The following MYCBP2 variants were observed in gnomAD, a reference collection of about 807,000 sequenced individuals.
MYCBP2 encodes E3 ubiquitin-protein ligase MYCBP2.
In MYCBP2, 120 loss-of-function variants were observed where a neutral mutation model predicts 525.3. The observed-to-expected ratio is 0.23, with a 90% CI of 0.20 to 0.27. MYCBP2 has a LOEUF of 0.27. Ranked by LOEUF, MYCBP2 falls within the 10% of genes least tolerant of loss-of-function variation. The pLI is 1.00. For synonymous variants in MYCBP2, 1,894 were observed against 1,955.8 expected (o/e 0.97, Z 0.83); for missense variants, 4,149 against 5,657.1 (o/e 0.73, Z 8.55).
chr13:77,221,121 T>C (rs554490366), intron 20 of MYCBP2, among the ~76,000 whole-genome samples: 5 of 152,304 alleles, frequency 3.3e-5, no homozygotes, highest in African/African-American at 1.2e-4. Flanking sequence ...TACCAGTTAC[T>C]ATACCACTGT....
chr13:77,156,015 G>T, intron 46 of MYCBP2, 43 bp downstream of exon 46: 1 of 1,557,852 alleles, frequency 6.4e-7, no homozygotes, highest in African/African-American at 1.4e-5. Flanking sequence ...AGTCATTGCA[G>T]CCAGTATATA....
Position 77,257,698 on chromosome 13 carries a change from T to C in MYCBP2, c.2149A>G (p.Thr717Ala). 9 of 1,595,040 alleles carry C rather than the reference T, an allele frequency of 5.6e-6. No individual in the cohort carries two copies. The highest frequency in any genetic ancestry group is 7.7e-6 in the Non-Finnish European group (9 of 1,174,122). The part of the protein sequence containing the change: ...VNNKGQCGRD[T>A]GAMNQGGKGF... ...TTCCCACCTTGGTTCATGGCACCAG[T>C]ATCTCGTCCACACTGTCCTTTATTA... The change falls in exon 14 of 83, where the codon ACT becomes GCT. Residue 717 changes from threonine to alanine, a missense_variant. Thr to Ala is a moderately conservative substitution (Grantham distance 58, BLOSUM62 0). Coordinates refer to ENST00000544440, the MANE Select transcript of MYCBP2 (RefSeq NM_015057.5).
chr13:77,291,345 GCTGA>G (rs749210589), intron 2 of MYCBP2, among the ~76,000 whole-genome samples: 25 of 152,186 alleles, frequency 1.6e-4, no homozygotes, highest in Non-Finnish European at 3.1e-4. Context: ...TACTTAGTAG[GCTGA>G]CTAAAATTTA....
rs147246406 is a variant in MYCBP2, at chr13:77,232,334, T to C, written c.2737+822A>G. On this transcript the variant is annotated intron_variant, in intron 18 of 82. Transcript: ENST00000544440. ...TCTTAGGCATTTAAGAAAATGGGAG[T>C]TTTAAGTTGTGCTAGCTAAGGAAGA... Among the ~76,000 whole-genome samples, 5 of 152,212 alleles carry C rather than the reference T, an allele frequency of 3.3e-5. No individual in the cohort carries two copies. In the East Asian group the frequency reaches 9.6e-4, roughly 29 times the overall value.
chr13:77,100,790 CT>C (rs1427350530), intron 55 of MYCBP2, among the ~76,000 whole-genome samples: 1 of 151,904 alleles, frequency 6.6e-6, no homozygotes, highest in Non-Finnish European at 1.5e-5. Flanking sequence ...ATTATGTGCT[CT>C]GTTTTATAAA....
chr13:77,083,902 G>A (rs1222016197), intron 62 of MYCBP2, among the ~76,000 whole-genome samples: 1 of 152,056 alleles, frequency 6.6e-6, no homozygotes, highest in Non-Finnish European at 1.5e-5. Context: ...TTCTTGGACT[G>A]TCTATAAATA....
Position 77,093,147 on chromosome 13 carries a change from A to C in MYCBP2, c.10367+18T>G. On this transcript the variant is annotated intron_variant, in intron 59 of 82. Transcript: ENST00000544440. Reference sequence around the variant, plus strand: ...ACCAAACACTAGCTATTCAACAGACAGGAGAGAACTAAAATACCTTGGTGG... The same window carrying C: ...ACCAAACACTAGCTATTCAACAGACCGGAGAGAACTAAAATACCTTGGTGG... The C allele has an allele frequency of 6.3e-7, 1 of 1,595,762 alleles. No homozygotes were observed. The highest frequency in any genetic ancestry group is 8.5e-7 in the Non-Finnish European group (1 of 1,171,392).
chr13:77,307,625 CAAAAAAAAAAAA>C (rs763388200), intron 1 of MYCBP2, among the ~76,000 whole-genome samples: 6 of 30,120 alleles, frequency 2.0e-4, no homozygotes, highest in South Asian at 1.6e-3. Flanking sequence ...GACCCTGTCT[CAAAAAAAAAAAA>C]AAAAAAAAAA....
intron 2 of MYCBP2, among the ~76,000 whole-genome samples, chr13:77,294,104 C>CTATATATATATATG (rs2077780689): frequency 2.4e-5 from 1 of 41,920 alleles, no homozygotes; most frequent in Non-Finnish European, 5.2e-5. Flanking sequence ...GATATAATGG[C>CTATATATATATATG]TATATATATA....
chr13:77,161,106 A>G (rs2057864021), intron 44 of MYCBP2, among the ~76,000 whole-genome samples: 1 of 152,196 alleles, frequency 6.6e-6, no homozygotes, highest in African/African-American at 2.4e-5. Context: ...AATGGGGCTC[A>G]CTTAGCAGTA....
intron 54 of MYCBP2, among the ~76,000 whole-genome samples, chr13:77,123,786 C>T (rs1178268823): frequency 6.6e-6 from 1 of 152,120 alleles, no homozygotes; most frequent in Non-Finnish European, 1.5e-5. Context: ...CTAAGCTGTT[C>T]TCATATTTAA....
chr13:77,293,826 G>C (rs2077745307), intron 2 of MYCBP2, among the ~76,000 whole-genome samples: 1 of 152,010 alleles, frequency 6.6e-6, no homozygotes, highest in Non-Finnish European at 1.5e-5. Flanking sequence ...CAAAAAAACA[G>C]ATTCCCTCCT....
In MYCBP2 at chr13:77,288,238, T is replaced by C. The variant is rs747371707; in HGVS notation, c.517A>G (p.Lys173Glu). ...KKEISLAAASKNSVQSGESDS... is the reference protein window; with the variant it reads ...KKEISLAAASENSVQSGESDS... ...GATTCTCCACTCTGCACAGAGTTCTTAGATGCGGCTGCCAATGATATTTCC... is the reference window on the plus strand; with the variant it reads ...GATTCTCCACTCTGCACAGAGTTCTCAGATGCGGCTGCCAATGATATTTCC... Residue 173 changes from lysine to glutamate, a missense_variant, in exon 3 of 83, where the codon AAG (lysine) becomes GAG (glutamate). By Grantham distance (56) the Lys-to-Glu change is moderately conservative. Around this residue, in one of 21 missense-constraint regions of MYCBP2, gnomAD observed 413 missense variants for 451.2 expected, o/e 0.92. Coordinates refer to ENST00000544440, the MANE Select transcript of MYCBP2 (RefSeq NM_015057.5). 1 of 1,614,200 alleles carries C rather than the reference T, an allele frequency of 6.2e-7. No homozygotes were observed.
intron 15 of MYCBP2, among the ~76,000 whole-genome samples, chr13:77,249,835 A>G (rs1401215199): frequency 2.0e-5 from 3 of 152,232 alleles, no homozygotes; most frequent in Non-Finnish European, 4.4e-5. Flanking sequence ...AAAAAACAGA[A>G]AACAGAGCCA....
At chr13:77,188,101 A>T (rs2060920178) in intron 30 of MYCBP2, among the ~76,000 whole-genome samples, 2 of 150,532 alleles carry the variant, frequency 1.3e-5, no homozygotes, top group South Asian at 4.2e-4. Context: ...AAGGTCTGGG[A>T]AGATACACAC....
intron 2 of MYCBP2, among the ~76,000 whole-genome samples, chr13:77,294,708 TAG>T (rs1245313960): frequency 6.6e-6 from 1 of 152,224 alleles, no homozygotes; most frequent in Non-Finnish European, 1.5e-5. Context: ...CTGTATTTGT[TAG>T]AGGTTTTCTG....
At chr13:77,309,906 G>A (rs1392770702) in intron 1 of MYCBP2, among the ~76,000 whole-genome samples, 4 of 152,170 alleles carry the variant, frequency 2.6e-5, no homozygotes, top group Non-Finnish European at 5.9e-5. Context: ...GAGGTCAAGA[G>A]ATGAAGACCA....
At chr13:77,198,620 A>G (rs1276678116) in intron 26 of MYCBP2, among the ~76,000 whole-genome samples, 1 of 152,238 alleles carries the variant, frequency 6.6e-6, no homozygotes, top group African/African-American at 2.4e-5. Context: ...GAATATTCAA[A>G]GAATGAACAT....
chr13:77,054,027 T>TGTG (rs1165033695), intron 80 of MYCBP2, among the ~76,000 whole-genome samples: 3 of 152,038 alleles, frequency 2.0e-5, no homozygotes, highest in African/African-American at 4.8e-5. Context: ...ACCAAAATCA[T>TGTG]GTGGTGGTGG....
Sources: gnomAD v4.1 joint callset for allele counts (sites outside exome capture counted in the v4.1 genomes callset) on GRCh38, gnomAD v4.1.1 for gene constraint, gnomAD v4.1.1 regional missense constraint, MANE v1.5 for transcripts, NCBI Gene and HGNC (gene_info 2026-07-23, HGNC 2026-07-21) for gene names.